Variants in RPS6KC1 observed in about 807,000 individuals in gnomAD.
RPS6KC1 encodes ribosomal protein S6 kinase C1.
Under a neutral mutation model 103.8 loss-of-function variants are expected in RPS6KC1, and 54 were observed. The observed-to-expected ratio is 0.52, with a 90% CI of 0.42 to 0.65. RPS6KC1 has a LOEUF of 0.65. Among genes scored for constraint, RPS6KC1 ranks in the 30% least tolerant of loss-of-function variants. The pLI, the probability that RPS6KC1 is intolerant of heterozygous loss-of-function variation, is 0.00. For synonymous variants in RPS6KC1, 439 were observed against 438.7 expected (o/e 1.00, Z -0.01); for missense variants, 1,151 against 1,253.8 (o/e 0.92, Z 1.24).
At chr1:213,798,845 A>G in the RPS6KC1 span, among the ~76,000 whole-genome samples, 2 of 152,188 alleles carry the variant, frequency 1.3e-5, no homozygotes, top group Non-Finnish European at 2.9e-5. Flanking sequence ...CATATTTCCT[A>G]TTCAGGCAAA....
the RPS6KC1 span, among the ~76,000 whole-genome samples, chr1:213,732,893 A>C: frequency 5.3e-5 from 8 of 152,190 alleles, no homozygotes; most frequent in African/African-American, 1.9e-4. Context: ...AAGTGAGATC[A>C]TGCAGTATTT....
At chr1:213,173,540 A>G (rs1024852637) in intron 7 of RPS6KC1, among the ~76,000 whole-genome samples, 4 of 152,368 alleles carry the variant, frequency 2.6e-5, no homozygotes, top group Admixed American at 6.5e-5. Context: ...AATTTGAACA[A>G]CTTTTCCCCA....
Position 213,182,778 on chromosome 1 carries a change from G to A in RPS6KC1, c.1044+6286G>A, listed in dbSNP as rs116237879. ...ACATATATCATGATACATATATATC[G>A]ATATATATGATATATATATTTTATA... On this transcript the variant is annotated intron_variant, in intron 8 of 14. Coordinates refer to ENST00000366960, the MANE Select transcript of RPS6KC1 (RefSeq NM_012424.6). 2.5e-3 allele frequency among the ~76,000 whole-genome samples: 372 copies of A among 146,574 alleles called. 2 individuals carry two copies. The highest frequency in any genetic ancestry group is 8.9e-3 in the African/African-American group (358 of 40,100).
chr1:213,109,796 C>T lies in RPS6KC1; in HGVS notation c.378+5227C>T, dbSNP rs567100160. 1.6e-3 allele frequency among the ~76,000 whole-genome samples: 246 copies of T among 149,554 alleles called. 1 individual carries two copies. Among genetic ancestry groups the T allele is most frequent in the South Asian group, 2.5e-3 (12 of 4,750 alleles). On this transcript the variant is annotated intron_variant, in intron 4 of 14. Coordinates refer to ENST00000366960, the MANE Select transcript of RPS6KC1 (RefSeq NM_012424.6). ...TGTGCAGACAGGTATTTTTGTTTCTCGTAGGTATACCTAGGAGTGGAATTT... is the reference window on the plus strand; with the variant it reads ...TGTGCAGACAGGTATTTTTGTTTCTTGTAGGTATACCTAGGAGTGGAATTT...
At chr1:213,142,520 A>G (rs1401531435) in intron 6 of RPS6KC1, among the ~76,000 whole-genome samples, 3 of 152,168 alleles carry the variant, frequency 2.0e-5, no homozygotes, top group African/African-American at 7.2e-5. Context: ...TAATTTGAGT[A>G]TAGTCAATTG....
the RPS6KC1 span, among the ~76,000 whole-genome samples, chr1:213,428,476 CCCTCCCTTCCTTCCTT>C: frequency 7.4e-3 from 226 of 30,678 alleles, no homozygotes; most frequent in African/African-American, 0.032. Flanking sequence ...CTCCCTCCCT[CCCTCCCTTCCTTCCTT>C]CCTTCCTTCC....
chr1:213,281,693 A>G, the RPS6KC1 span, among the ~76,000 whole-genome samples: 2 of 152,222 alleles, frequency 1.3e-5, no homozygotes, highest in Non-Finnish European at 2.9e-5. Context: ...GATTTAAGCT[A>G]TATCCCGTAG....
chr1:213,743,235 G>A, the RPS6KC1 span, among the ~76,000 whole-genome samples: 967 of 152,214 alleles, frequency 6.4e-3, 6 homozygotes, highest in Non-Finnish European at 7.7e-3. Context: ...TGTCATTTTC[G>A]GCAACATGGA....
At chr1:213,307,966 C>G in the RPS6KC1 span, among the ~76,000 whole-genome samples, 3 of 152,112 alleles carry the variant, frequency 2.0e-5, no homozygotes, top group African/African-American at 4.8e-5. Context: ...TCTGTGCCAG[C>G]CTTGAGTGGT....
chr1:213,854,185 A>G, the RPS6KC1 span, among the ~76,000 whole-genome samples: 4 of 152,242 alleles, frequency 2.6e-5, no homozygotes, highest in Non-Finnish European at 5.9e-5. Flanking sequence ...ATGATAATTC[A>G]TCTCCTCAAA....
chr1:213,822,485 T>G, the RPS6KC1 span: 2 of 152,140 alleles, frequency 1.3e-5, no homozygotes. Flanking sequence ...CTATATAGGA[T>G]AAGTCCCAAA....
chr1:213,265,414 TGAA>T (rs1183792594), intron 14 of RPS6KC1, among the ~76,000 whole-genome samples: 1 of 152,214 alleles, frequency 6.6e-6, no homozygotes, highest in African/African-American at 2.4e-5. Flanking sequence ...TTATTTATAA[TGAA>T]GAAGAAAGAA....
At chr1:213,205,007 T>C (rs2093294301) in intron 8 of RPS6KC1, among the ~76,000 whole-genome samples, 1 of 152,162 alleles carries the variant, frequency 6.6e-6, no homozygotes, top group Admixed American at 6.5e-5. Context: ...ACATCTCATT[T>C]TGATTAGTGG....
chr1:213,662,259 G>A, the RPS6KC1 span, among the ~76,000 whole-genome samples: 1 of 151,754 alleles, frequency 6.6e-6, no homozygotes, highest in African/African-American at 2.4e-5. Flanking sequence ...GGAAATACCA[G>A]AGTAAACTTT....
chr1:213,258,394 T>C (rs2094702278), intron 12 of RPS6KC1, among the ~76,000 whole-genome samples: 1 of 152,094 alleles, frequency 6.6e-6, no homozygotes, highest in Non-Finnish European at 1.5e-5. Context: ...TTAAAGAAAA[T>C]GGAGCAAATG....
chr1:213,320,825 C>T, the RPS6KC1 span, among the ~76,000 whole-genome samples: 2 of 152,328 alleles, frequency 1.3e-5, no homozygotes, highest in South Asian at 4.2e-4. Context: ...GCACGTTTCT[C>T]CATCTGTGAG....
chr1:213,252,861 G>A (rs973367134), intron 12 of RPS6KC1, among the ~76,000 whole-genome samples: 4 of 152,030 alleles, frequency 2.6e-5, no homozygotes, highest in Non-Finnish European at 4.4e-5. Flanking sequence ...AAAGCATTAT[G>A]TTACTTATGT....
At chr1:213,824,020 A>G in the RPS6KC1 span, among the ~76,000 whole-genome samples, 10 of 152,190 alleles carry the variant, frequency 6.6e-5, no homozygotes, top group African/African-American at 2.4e-4. Flanking sequence ...TAAGGTCTCT[A>G]GCGATGCTAT....
the RPS6KC1 span, among the ~76,000 whole-genome samples, chr1:213,413,587 T>C: frequency 6.6e-6 from 1 of 152,204 alleles, no homozygotes; most frequent in Non-Finnish European, 1.5e-5. Flanking sequence ...GCAGGCGCCC[T>C]CAGTTTCTAT....
Sources: gnomAD v4.1 joint callset for allele counts (sites outside exome capture counted in the v4.1 genomes callset) on GRCh38, gnomAD v4.1.1 for gene constraint, MANE v1.5 for transcripts, NCBI Gene and HGNC (gene_info 2026-07-23, HGNC 2026-07-21) for gene names.